FXYD2: variants seen among roughly 807,000 people sequenced by gnomAD.
FXYD2 encodes the protein sodium/potassium-transporting ATPase subunit gamma.
FXYD2 carries 8 observed loss-of-function variants against 11.8 expected under a neutral mutation model. That is an observed-to-expected ratio of 0.68 (90% CI 0.40 to 1.22). The LOEUF is 1.22. Ranked by LOEUF, FXYD2 falls within the 50% of genes most tolerant of loss-of-function variation. The probability of loss-of-function intolerance (pLI) is 0.01; values close to 1 mark genes in which losing one functional copy is unlikely to be tolerated. For missense variants in FXYD2, 92 were observed against 91.8 expected (o/e 1.00, Z -0.01); for synonymous variants, 42 against 33.3 (o/e 1.26, Z -0.90).
chr11:117,827,813 G>C (rs1162454062), upstream of FXYD2, among the ~76,000 whole-genome samples: 2 of 152,206 alleles, frequency 1.3e-5, no homozygotes, highest in Non-Finnish European at 2.9e-5. Flanking sequence ...GATATGCTCT[G>C]CACACACGTT....
Position 117,822,364 on chromosome 11 carries a change from T to C in FXYD2, c.139+42A>G. The stretch of plus-strand genomic sequence containing the variant: ...TGCTCAGCGGCCTTGAGAAGAGAGG[T>C]GCCCTGGTCAGCACCCCTTCCCTGG... On this transcript the variant is annotated intron_variant, in intron 3 of 5. Coordinates refer to ENST00000292079, the MANE Select transcript of FXYD2 (RefSeq NM_001680.5). The surrounding 1 kb of genome is among the most constrained non-coding windows in gnomAD (Gnocchi z 4.7). The C allele has an allele frequency of 6.4e-7, 1 of 1,550,648 alleles. No individual in the cohort carries two copies. The highest frequency in any genetic ancestry group is 8.7e-7 in the Non-Finnish European group (1 of 1,147,016).
At chr11:117,820,500 GGCCCTTGGCCATCATTTTAAACAC>G in intron 5 of FXYD2, 128 bp from the exon 6 acceptor site, 1 of 799,398 alleles carries the variant, frequency 1.3e-6, no homozygotes, top group South Asian at 1.7e-5. Flanking sequence ...CTCCACGCCA[GGCCCTTGGCCATCATTTTAAACAC>G]ACGATGGGTG....
rs373687268 is a variant in FXYD2, at chr11:117,822,455, G to A, written c.90C>T (p.Gly30=). Residue 30 remains glycine (G), a synonymous_variant, in exon 3 of 6, where the codon GGC becomes GGT. Transcript: ENST00000292079. The surrounding 1 kb of genome is among the most constrained non-coding windows in gnomAD (Gnocchi z 4.7). ...YYDYETVRNG[G]LIFAGLAFIV... ...TGAAGGCCAGTCCAGCGAAGATCAG[G>A]CCCCCATTGCGAACGGTCTCATAGT... The A allele has an allele frequency of 4.2e-5, 65 of 1,562,966 alleles. No individual in the cohort carries two copies. In the East Asian group the frequency reaches 1.1e-3, roughly 26 times the overall value.
In FXYD2 at chr11:117,824,738, A is replaced by C; in HGVS notation, c.-60T>G. The C allele has an allele frequency of 6.2e-7, 1 of 1,606,684 alleles. No individual in the cohort carries two copies. The highest frequency in any genetic ancestry group is 8.5e-7 in the Non-Finnish European group (1 of 1,176,830). On this transcript the variant is annotated 5_prime_UTR_variant, in exon 1 of 6. Coordinates refer to ENST00000292079, the MANE Select transcript of FXYD2 (RefSeq NM_001680.5). This position sits in a 1 kb window ranked among gnomAD's most constrained non-coding sequence, Gnocchi z 4.0. ...TTCCTGCTGTCTCTGCTTTTTGGAGAGTGTCTGGCTGCCTCCACGGGGTGG... is the reference window on the plus strand; with the variant it reads ...TTCCTGCTGTCTCTGCTTTTTGGAGCGTGTCTGGCTGCCTCCACGGGGTGG...
At chr11:117,820,458 C>G in intron 5 of FXYD2, 86 bp from the exon 6 acceptor site, 1 of 612,490 alleles carries the variant, frequency 1.6e-6, no homozygotes, top group South Asian at 2.2e-5. Context: ...CACTTTTCTC[C>G]AGGGCTCCTC....
intron 3 of FXYD2, chr11:117,821,485 A>T: frequency 1.0e-6 from 1 of 986,252 alleles, no homozygotes; most frequent in Non-Finnish European, 1.2e-6. Context: ...AGCAGCAGAG[A>T]CTGGGCCATC....
At chr11:117,821,232 AT>A (rs199669553) in intron 3 of FXYD2, 407 of 566,870 alleles carry the variant, frequency 7.2e-4, no homozygotes, top group African/African-American at 4.8e-3. Context: ...AATTAAAAAA[AT>A]TTTTTTTTGT....
At chr11:117,821,786 G>A in intron 3 of FXYD2, 12 of 989,226 alleles carry the variant, frequency 1.2e-5, no homozygotes, top group African/African-American at 1.7e-5. Flanking sequence ...GGGGTGGGGT[G>A]GCAGTGGCAC....
rs754269604 is a variant in FXYD2, at chr11:117,822,607, G to C, written c.64+72C>G. 16 of 1,583,060 alleles carry C rather than the reference G, an allele frequency of 1.0e-5. No individual in the cohort carries two copies. Among genetic ancestry groups the C allele is most frequent in the Admixed American group, 7.5e-5 (4 of 53,364 alleles). On this transcript the variant is annotated intron_variant, in intron 2 of 5. Coordinates refer to ENST00000292079, the MANE Select transcript of FXYD2 (RefSeq NM_001680.5). The surrounding 1 kb of genome is among the most constrained non-coding windows in gnomAD (Gnocchi z 4.7). ...AAGGGGCACAGAGCATGGACCTGGGGCTGGGAGAGGCCGCTGCTTGGTGGA... is the reference window on the plus strand; with the variant it reads ...AAGGGGCACAGAGCATGGACCTGGGCCTGGGAGAGGCCGCTGCTTGGTGGA...
At chr11:117,827,935 G>A (rs115868812), upstream of FXYD2, 2,424 of 1,150,790 alleles carry the variant, frequency 2.1e-3, 23 homozygotes, top group African/African-American at 0.031. Flanking sequence ...TGAAAGGGAC[G>A]GGGCTGGCAC....
Position 117,820,232 on chromosome 11 carries a change from G to T in FXYD2, c.*147C>A. The T allele has an allele frequency of 5.5e-6, 1 of 181,528 alleles. No homozygotes were observed. The allele number at this position is 181,528 out of a possible 1,614,324, so 11.2% of individuals were successfully genotyped here. A position where few individuals can be genotyped will look rare whatever the true frequency, so the allele number is the denominator to read the frequency against. On this transcript the variant is annotated 3_prime_UTR_variant, in exon 6 of 6. Transcript: ENST00000292079. ...GGCGATGCCACCTGGGGGTCACATTGAGTCTGGAGCTTCCTTCAGCCCAAG... is the reference window on the plus strand; with the variant it reads ...GGCGATGCCACCTGGGGGTCACATTTAGTCTGGAGCTTCCTTCAGCCCAAG...
Position 117,822,713 on chromosome 11 carries a change from G to C in FXYD2, c.30C>G (p.Gly10=). Residue 10 remains glycine, a synonymous_variant, in exon 2 of 6, where the codon GGC becomes GGG. Transcript: ENST00000292079. The surrounding 1 kb of genome is among the most constrained non-coding windows in gnomAD (Gnocchi z 4.7). MTGLSMDGG[G]SPKGDVDPFY... Reference sequence around the variant, plus strand: ...ACGGGTCCACGTCCCCCTTGGGGCTGCCGCCTAGGAGAGAGCCAGAGGTGG... The same window carrying C: ...ACGGGTCCACGTCCCCCTTGGGGCTCCCGCCTAGGAGAGAGCCAGAGGTGG... 6.2e-7 allele frequency: 1 copy of C among 1,609,710 alleles called. No homozygotes were observed. Among genetic ancestry groups the C allele is most frequent in the South Asian group, 1.1e-5 (1 of 89,834 alleles).
At chr11:117,823,568 C>T (rs894263352) in intron 1 of FXYD2, among the ~76,000 whole-genome samples, 3 of 152,212 alleles carry the variant, frequency 2.0e-5, no homozygotes, top group East Asian at 1.9e-4. Context: ...TGGCCTCCCC[C>T]GGATTTGGAG....
chr11:117,826,512 G>A (rs1030952429), upstream of FXYD2, among the ~76,000 whole-genome samples: 6 of 152,130 alleles, frequency 3.9e-5, no homozygotes, highest in South Asian at 2.1e-4. Context: ...CAGAAAAAAC[G>A]AGGGCAGGAA....
chr11:117,824,741 G>C lies in FXYD2; in HGVS notation c.-63C>G. 2.5e-6 allele frequency: 4 copies of C among 1,604,670 alleles called. No individual in the cohort carries two copies. In the South Asian group the frequency reaches 4.5e-5, roughly 18 times the overall value. ...CTGCTGTCTCTGCTTTTTGGAGAGT[G>C]TCTGGCTGCCTCCACGGGGTGGCCG... is the stretch of plus-strand genomic sequence containing the variant. On this transcript the variant is annotated 5_prime_UTR_variant, in exon 1 of 6. Transcript: ENST00000292079. The surrounding 1 kb of genome is among the most constrained non-coding windows in gnomAD (Gnocchi z 4.0).
chr11:117,820,734 G>C (rs2134097713), intron 4 of FXYD2, 38 bp from the exon 5 acceptor site: 2 of 1,613,532 alleles, frequency 1.2e-6, no homozygotes, highest in Non-Finnish European at 1.7e-6. Flanking sequence ...GAGAGGGCAG[G>C]GGGAGGGGTG....
At chr11:117,827,898 C>A (rs571393715), upstream of FXYD2, 8 of 838,262 alleles carry the variant, frequency 9.5e-6, no homozygotes, top group South Asian at 1.1e-4. Flanking sequence ...GCTTTTCCTG[C>A]ACTTCTGGGG....
At chr11:117,828,056 G>A (rs1205745222), upstream of FXYD2, 2 of 1,550,154 alleles carry the variant, frequency 1.3e-6, no homozygotes, top group Admixed American at 2.0e-5. Context: ...GGAGAGCAGG[G>A]AGGTGCTGCT....
Position 117,824,256 on chromosome 11 carries a change from C to A in FXYD2, c.25+398G>T, listed in dbSNP as rs549520277. On this transcript the variant is annotated intron_variant, in intron 1 of 5. Coordinates refer to ENST00000292079, the MANE Select transcript of FXYD2 (RefSeq NM_001680.5). This position sits in a 1 kb window ranked among gnomAD's most constrained non-coding sequence, Gnocchi z 4.0. ...GTGTGACTTGAACTTGGCGGGCTCT[C>A]ACCCCAAATCCAGCCTAGGAAGGCT... The A allele has an allele frequency of 1.3e-5, 4 of 319,414 alleles. No individual in the cohort carries two copies. Among genetic ancestry groups the A allele is most frequent in the African/African-American group, 2.1e-5 (1 of 47,634 alleles). The allele number at this position is 319,414 out of a possible 1,614,324, so 19.8% of individuals were successfully genotyped here.
Sources: allele counts gnomAD v4.1 joint callset (sites outside exome capture counted in the v4.1 genomes callset), GRCh38; gene constraint gnomAD v4.1.1; non-coding constraint Gnocchi (gnomAD v3.1); transcripts MANE v1.5; gene names NCBI Gene and HGNC (gene_info 2026-07-23, HGNC 2026-07-21).